The following ARHGAP23 variants were observed in gnomAD, a reference collection of about 807,000 sequenced individuals.
ARHGAP23 encodes Rho GTPase activating protein 23, also known as rho GTPase-activating protein 23.
In ARHGAP23, 34 loss-of-function variants were observed where a neutral mutation model predicts 136.3. The observed-to-expected ratio is 0.25, with a 90% confidence interval of 0.19 to 0.33. The LOEUF (loss-of-function observed/expected upper bound fraction) is 0.33, where lower values mean the gene tolerates loss of function less well. Ranked by LOEUF, ARHGAP23 falls within the 10% of genes least tolerant of loss-of-function variation. The pLI is 1.00. For missense variants in ARHGAP23, 1,808 were observed against 2,139.0 expected (o/e 0.85, Z 3.05); for synonymous variants, 832 against 920.5 (o/e 0.90, Z 1.74).
chr17:38,507,136 T>C (rs997930874), intron 23 of ARHGAP23, among the ~76,000 whole-genome samples: 4 of 151,816 alleles, frequency 2.6e-5, no homozygotes, highest in African/African-American at 9.7e-5. Flanking sequence ...TAGCCAGGTG[T>C]GGTGGTGTAT....
At chr17:38,500,988 T>G in intron 23 of ARHGAP23, 2 of 255,834 alleles carry the variant, frequency 7.8e-6, no homozygotes. Context: ...TTTCTGATCC[T>G]TAGCTTCCTC....
At chr17:38,447,340 G>A (rs969553722) in intron 1 of ARHGAP23, among the ~76,000 whole-genome samples, 2 of 148,782 alleles carry the variant, frequency 1.3e-5, no homozygotes, top group Admixed American at 6.8e-5. Flanking sequence ...TACTCGGGAG[G>A]CTGAGGCAGG....
chr17:38,466,949 C>T lies in ARHGAP23; in HGVS notation c.1266C>T (p.Tyr422=), dbSNP rs1334271384. Residue 422 remains tyrosine, a synonymous_variant, in exon 7 of 24, where the codon TAC becomes TAT. Coordinates refer to ENST00000622683, the MANE Select transcript of ARHGAP23 (RefSeq NM_001199417.2). ...DDLGYIGYRS[Y]SPSFQRRTGL... ...TCGGGTACATCGGCTACCGGAGCTA[C>T]AGCCCATCATTCCAGCGCCGGACCG... The T allele has an allele frequency of 1.9e-6, 3 of 1,550,406 alleles. No individual in the cohort carries two copies. Among genetic ancestry groups the T allele is most frequent in the African/African-American group, 1.4e-5 (1 of 73,070 alleles).
rs1381688109 is a variant in ARHGAP23, at chr17:38,509,954, C to T, written c.3458C>T (p.Ala1153Val). 1.6e-6 allele frequency: 2 copies of T among 1,250,234 alleles called. No individual in the cohort carries two copies. The allele number at this position is 1,250,234 out of a possible 1,614,324, so 77.4% of individuals were successfully genotyped here. ...CSSAKSKGSW[A>V]PKKEPYAREM... is the part of the protein sequence containing the mutation. ...CTGTCTCCCACACAGGGTTCGTGGG[C>T]CCCCAAGAAGGAGCCGTACGCCCGG... Residue 1153 changes from alanine to valine, a missense_variant, in exon 24 of 24, where the codon GCC becomes GTC. By Grantham distance (64) the Ala-to-Val change is moderately conservative (BLOSUM62 0). Transcript: ENST00000622683.
At position 38,467,059 on chromosome 17, in the gene ARHGAP23, C is replaced by T. The variant is rs769029722; in HGVS notation, c.1376C>T (p.Pro459Leu). The change falls in exon 7 of 24, where the codon CCA (proline) becomes CTA (leucine). Residue 459 changes from proline (P) to leucine (L), a missense_variant. Physicochemically the swap from Pro to Leu is moderately conservative, Grantham distance 98. Coordinates refer to ENST00000622683, the MANE Select transcript of ARHGAP23 (RefSeq NM_001199417.2). ...CTGGCCCAGTCCCCTGCGTCATTCC[C>T]ACCAGAGGCCTCCGAGCCACCCAGG... ...FNLAQSPASF[P>L]PEASEPPRVV... 6.4e-7 allele frequency: 1 copy of T among 1,551,008 alleles called. No individual in the cohort carries two copies. Among genetic ancestry groups the T allele is most frequent in the South Asian group, 1.2e-5 (1 of 84,066 alleles).
intron 1 of ARHGAP23, among the ~76,000 whole-genome samples, chr17:38,422,896 C>T (rs1414339643): frequency 1.3e-5 from 2 of 152,134 alleles, no homozygotes; most frequent in East Asian, 1.9e-4. Context: ...GTGAGGTTCA[C>T]TCTATGGGAT....
At chr17:38,428,027 T>C (rs2038595270), upstream of ARHGAP23, among the ~76,000 whole-genome samples, 1 of 152,198 alleles carries the variant, frequency 6.6e-6, no homozygotes, top group Non-Finnish European at 1.5e-5. Context: ...TTTCTCATGC[T>C]TTCTGGGTCT....
At chr17:38,439,816 C>T (rs1270844990) in intron 1 of ARHGAP23, among the ~76,000 whole-genome samples, 1 of 151,942 alleles carries the variant, frequency 6.6e-6, no homozygotes, top group East Asian at 1.9e-4. Context: ...GCTCTGTCAC[C>T]CAGGCTGGAG....
Position 38,498,416 on chromosome 17 carries a change from C to A in ARHGAP23, c.3321C>A (p.Thr1107=), listed in dbSNP as rs182266773. The part of the protein sequence containing the change: ...FSDEEDKGER[T]PVGDKEPQAV... ...CTGACCCCTCCTCCTGTTCGCAGAC[C>A]CCTGTGGGCGACAAGGAGCCTCAGG... Residue 1107 remains threonine (T), a splice_region_variant and synonymous_variant, in exon 22 of 24, where the codon ACC becomes ACA. Coordinates refer to ENST00000622683, the MANE Select transcript of ARHGAP23 (RefSeq NM_001199417.2). 8 of 1,547,158 alleles carry A rather than the reference C, an allele frequency of 5.2e-6. No individual in the cohort carries two copies. In the East Asian group the frequency reaches 7.4e-5, roughly 14 times the overall value.
chr17:38,465,863 G>A (rs905711554), intron 6 of ARHGAP23, among the ~76,000 whole-genome samples: 1 of 152,132 alleles, frequency 6.6e-6, no homozygotes, highest in Non-Finnish European at 1.5e-5. Flanking sequence ...GGCCAGGACT[G>A]GGGGAGGACC....
At chr17:38,444,963 A>G (rs1197856314) in intron 1 of ARHGAP23, among the ~76,000 whole-genome samples, 1 of 151,840 alleles carries the variant, frequency 6.6e-6, no homozygotes, top group Non-Finnish European at 1.5e-5. Context: ...GATTACAGGC[A>G]CCTGACATCA....
intron 11 of ARHGAP23, among the ~76,000 whole-genome samples, chr17:38,476,904 TG>T (rs1331776186): frequency 2.0e-5 from 3 of 150,802 alleles, no homozygotes; most frequent in Non-Finnish European, 3.0e-5. Flanking sequence ...GTGTAGAGGG[TG>T]GGGGAGGGCA....
At chr17:38,435,775 A>C (rs1273667699) in intron 1 of ARHGAP23, among the ~76,000 whole-genome samples, 1 of 151,920 alleles carries the variant, frequency 6.6e-6, no homozygotes, top group Non-Finnish European at 1.5e-5. Context: ...ATTTTTTTGT[A>C]TTTTTAGTAG....
intron 1 of ARHGAP23, among the ~76,000 whole-genome samples, chr17:38,430,381 G>C (rs923083709): frequency 1.1e-4 from 16 of 151,958 alleles, no homozygotes; most frequent in Non-Finnish European, 2.1e-4. Context: ...AGAAGGACTG[G>C]GTGGGGGGAA....
chr17:38,473,664 C>T (rs927289139), intron 11 of ARHGAP23, among the ~76,000 whole-genome samples: 4 of 125,256 alleles, frequency 3.2e-5, no homozygotes, highest in Non-Finnish European at 4.8e-5. Context: ...CACAGACTGC[C>T]GTGATGCCGG....
chr17:38,480,143 G>A (rs1410321552), intron 14 of ARHGAP23, among the ~76,000 whole-genome samples: 2 of 152,150 alleles, frequency 1.3e-5, no homozygotes, highest in African/African-American at 4.8e-5. Context: ...TGTCTCTGCA[G>A]GGATGAGAGG....
intron 14 of ARHGAP23, 58 bp downstream of exon 14, chr17:38,479,941 GAGGGC>G: frequency 6.7e-7 from 1 of 1,501,504 alleles, no homozygotes; most frequent in Non-Finnish European, 9.0e-7. Flanking sequence ...ATGGGGAGGG[GAGGGC>G]ACGCGTGTGT....
At chr17:38,476,813 C>G (rs1477342730) in intron 11 of ARHGAP23, among the ~76,000 whole-genome samples, 6 of 152,172 alleles carry the variant, frequency 3.9e-5, no homozygotes, top group Non-Finnish European at 8.8e-5. Context: ...TAGCCGCATC[C>G]CTCAGATGCC....
intron 15 of ARHGAP23, 86 bp downstream of exon 15, chr17:38,482,229 C>A: frequency 3.3e-6 from 5 of 1,514,244 alleles, no homozygotes; most frequent in Non-Finnish European, 3.5e-6. Context: ...ATGGAACCAG[C>A]TCTCCACCTC....
Sources: gnomAD v4.1 joint callset for allele counts (sites outside exome capture counted in the v4.1 genomes callset) on GRCh38, gnomAD v4.1.1 for gene constraint, MANE v1.5 for transcripts, NCBI Gene and HGNC (gene_info 2026-07-23, HGNC 2026-07-21) for gene names.